Variants in SPATS2L observed in about 807,000 individuals in gnomAD.
SPATS2L encodes the protein spermatogenesis associated serine rich 2 like, also known as SPATS2-like protein.
Under a neutral mutation model 59.6 loss-of-function variants are expected in SPATS2L, and 30 were observed. The ratio of observed to expected loss-of-function variants is 0.50; its 90% CI spans 0.38 to 0.68. SPATS2L has a LOEUF of 0.68. SPATS2L is among the 30% of genes least tolerant of loss of function. The probability of loss-of-function intolerance (pLI) is 0.00; values close to 1 mark genes in which losing one functional copy is unlikely to be tolerated. For missense variants in SPATS2L, 615 were observed against 700.0 expected (o/e 0.88, Z 1.37); for synonymous variants, 252 against 263.5 (o/e 0.96, Z 0.42).
At chr2:200,383,702 A>G (rs1221733689) in intron 2 of SPATS2L, among the ~76,000 whole-genome samples, 1 of 152,214 alleles carries the variant, frequency 6.6e-6, no homozygotes, top group South Asian at 2.1e-4. Flanking sequence ...TCCAGCTTAC[A>G]TTATGATAAT....
At chr2:200,460,802 A>C (rs1407565790) in intron 9 of SPATS2L, 2 of 151,426 alleles carry the variant, frequency 1.3e-5, no homozygotes, top group Non-Finnish European at 2.9e-5. Context: ...GATACACTAA[A>C]CAGTTTTTTT....
chr2:200,366,217 A>G (rs1030246347), intron 2 of SPATS2L, among the ~76,000 whole-genome samples: 2 of 152,198 alleles, frequency 1.3e-5, no homozygotes, highest in Non-Finnish European at 2.9e-5. Context: ...TGCCTAGACT[A>G]CTTGAACATG....
At position 200,329,434 on chromosome 2, in the gene SPATS2L, T is replaced by A; in HGVS notation, c.-69T>A. The A allele has an allele frequency of 6.4e-7, 1 of 1,550,522 alleles. No homozygotes were observed. The highest frequency in any genetic ancestry group is 8.7e-7 in the Non-Finnish European group (1 of 1,146,948). On this transcript the variant is annotated 5_prime_UTR_variant, in exon 2 of 13. Transcript: ENST00000409140. ...CCCAAATTTCCATTTTTCCTAGAGC[T>A]CTTCAGAAACCAGGCTGCTTTCAGG...
intron 8 of SPATS2L, among the ~76,000 whole-genome samples, chr2:200,459,514 G>T (rs116256308): frequency 0.016 from 2,395 of 152,288 alleles, 59 homozygotes; most frequent in African/African-American, 0.054. Context: ...AATTCTGAAA[G>T]TCTAAAAGAC....
At chr2:200,340,492 G>A (rs1025696310) in intron 2 of SPATS2L, among the ~76,000 whole-genome samples, 6 of 152,050 alleles carry the variant, frequency 3.9e-5, no homozygotes, top group African/African-American at 1.4e-4. Context: ...TTCTTCCCTG[G>A]ATGAAATTGC....
In SPATS2L at chr2:200,479,959, T is replaced by C. The variant is rs1403663973; in HGVS notation, c.*1928T>C. 3 of 387,600 alleles carry C rather than the reference T, an allele frequency of 7.7e-6. No individual in the cohort carries two copies. Among genetic ancestry groups the C allele is most frequent in the African/African-American group, 4.1e-5 (2 of 48,486 alleles). 24.0% of individuals were successfully genotyped at this position (387,600 alleles called of 1,614,324 possible). On this transcript the variant is annotated 3_prime_UTR_variant, in exon 13 of 13. Coordinates refer to ENST00000409140, the MANE Select transcript of SPATS2L (RefSeq NM_001100423.2). ...GAGTTGTTCGTTCAAATAAGAAAGA[T>C]AAATGTTCGGCACTGTAGGCCCTGT... is the stretch of plus-strand genomic sequence containing the variant.
upstream of SPATS2L, chr2:200,306,685 C>G: frequency 1.0e-6 from 1 of 985,594 alleles, no homozygotes; most frequent in Non-Finnish European, 1.2e-6. Flanking sequence ...GTGGGGCGGC[C>G]GAGCCGGAGT....
rs556340228 is a variant in SPATS2L at position 200,373,259 on chromosome 2, G to A, written c.-22-15964G>A. On this transcript the variant is annotated intron_variant, in intron 2 of 12. Transcript: ENST00000409140. ...CATATAATCCCCCTGTGCTAAATTT[G>A]ACTGCCTTAACAAAAAAAAAAAAAA... 14 of 81,902 alleles carry A rather than the reference G, an allele frequency of 1.7e-4. No homozygotes were observed. In the East Asian group the frequency reaches 4.9e-3, roughly 29 times the overall value. 5.1% of individuals were successfully genotyped at this position (81,902 alleles called of 1,614,324 possible).
intron 1 of SPATS2L, among the ~76,000 whole-genome samples, chr2:200,307,659 C>T (rs999673012): frequency 2.6e-5 from 4 of 152,242 alleles, no homozygotes; most frequent in Admixed American, 6.5e-5. Flanking sequence ...CGCCGGCGCA[C>T]TCTGAATATC....
intron 3 of SPATS2L, chr2:200,393,069 A>G (rs922303366): frequency 1.3e-5 from 5 of 378,250 alleles, no homozygotes; most frequent in Admixed American, 9.3e-5. Context: ...TCACAGTCAT[A>G]TATTCAAGTG....
chr2:200,313,958 C>G (rs1182970880), intron 1 of SPATS2L, among the ~76,000 whole-genome samples: 1 of 152,202 alleles, frequency 6.6e-6, no homozygotes. Flanking sequence ...TTGGACTTCT[C>G]TTTACTGTCC....
At chr2:200,398,117 G>A (rs569580758) in intron 3 of SPATS2L, among the ~76,000 whole-genome samples, 2 of 152,120 alleles carry the variant, frequency 1.3e-5, no homozygotes, top group Admixed American at 1.3e-4. Flanking sequence ...GAGCTTTCAC[G>A]AGTCCCCAGC....
chr2:200,371,825 G>A (rs924955290), intron 2 of SPATS2L, among the ~76,000 whole-genome samples: 3 of 152,182 alleles, frequency 2.0e-5, no homozygotes, highest in African/African-American at 7.2e-5. Flanking sequence ...TTCTCATGAA[G>A]GTTGGGTTGA....
chr2:200,352,834 C>T (rs2080787981), intron 2 of SPATS2L, among the ~76,000 whole-genome samples: 1 of 152,072 alleles, frequency 6.6e-6, no homozygotes, highest in Admixed American at 6.5e-5. Flanking sequence ...GGATTAACAG[C>T]ACAAAAACCT....
intron 2 of SPATS2L, among the ~76,000 whole-genome samples, chr2:200,379,506 G>A (rs2081724442): frequency 6.6e-6 from 1 of 152,154 alleles, no homozygotes. Context: ...AAAAAACATT[G>A]CCCTTTCTGT....
chr2:200,433,299 C>T (rs532588427), intron 6 of SPATS2L, among the ~76,000 whole-genome samples: 16 of 151,994 alleles, frequency 1.1e-4, no homozygotes, highest in South Asian at 4.2e-4. Context: ...AGAACATAGA[C>T]GATTTGAACA....
chr2:200,340,238 C>G (rs2080277828), intron 2 of SPATS2L, among the ~76,000 whole-genome samples: 1 of 152,156 alleles, frequency 6.6e-6, no homozygotes, highest in Admixed American at 6.5e-5. Flanking sequence ...ATCTGCCCTG[C>G]ACTCTTTACT....
chr2:200,394,139 A>G (rs2082256729), intron 3 of SPATS2L, among the ~76,000 whole-genome samples: 2 of 152,214 alleles, frequency 1.3e-5, no homozygotes, highest in East Asian at 3.8e-4. Context: ...AACGATAAGG[A>G]TTTAAATTGA....
chr2:200,371,978 C>T (rs2081441519), intron 2 of SPATS2L: 5 of 964,740 alleles, frequency 5.2e-6, no homozygotes, highest in Non-Finnish European at 6.2e-6. Context: ...GCCCTGCCTG[C>T]AGGAAGAAAG....
Sources: allele counts gnomAD v4.1 joint callset (sites outside exome capture counted in the v4.1 genomes callset), GRCh38; gene constraint gnomAD v4.1.1; transcripts MANE v1.5; gene names NCBI Gene and HGNC (gene_info 2026-07-23, HGNC 2026-07-21).